DNM3: variants seen among roughly 807,000 people sequenced by gnomAD.
DNM3 encodes dynamin 3.
In DNM3, 47 loss-of-function variants were observed where a neutral mutation model predicts 101.6. The observed-to-expected ratio is 0.46, with a 90% CI of 0.37 to 0.59. The LOEUF is 0.59. DNM3 is among the 20% of genes least tolerant of loss of function. DNM3 has a pLI of 0.00. For missense variants in DNM3, 849 were observed against 1,085.7 expected, an observed-to-expected ratio of 0.78 and a Z score of 3.06; for synonymous variants, 385 against 387.9, an observed-to-expected ratio of 0.99 and a Z score of 0.09.
intron 13 of DNM3, among the ~76,000 whole-genome samples, chr1:172,103,492 T>C (rs1292573059): frequency 6.6e-6 from 1 of 152,210 alleles, no homozygotes; most frequent in Non-Finnish European, 1.5e-5. Flanking sequence ...TATAGTGTTC[T>C]ACAGTATGGA....
intron 1 of DNM3, among the ~76,000 whole-genome samples, chr1:171,862,646 T>C (rs2034297379): frequency 6.6e-6 from 1 of 152,070 alleles, no homozygotes; most frequent in Admixed American, 6.6e-5. Flanking sequence ...TATTCTGGAA[T>C]TAAATAGAGA....
chr1:172,021,337 G>T (rs1207168672), intron 4 of DNM3, among the ~76,000 whole-genome samples: 1 of 151,834 alleles, frequency 6.6e-6, no homozygotes, highest in Non-Finnish European at 1.5e-5. Flanking sequence ...CCCAAGTATG[G>T]TGGTGCATGT....
At chr1:171,972,181 G>A (rs1474592547) in intron 2 of DNM3, among the ~76,000 whole-genome samples, 2 of 152,186 alleles carry the variant, frequency 1.3e-5, no homozygotes, top group Admixed American at 6.5e-5. Flanking sequence ...TTGTAGCACT[G>A]GAGATAAAAC....
At chr1:171,993,457 C>G (rs1199703106) in intron 4 of DNM3, among the ~76,000 whole-genome samples, 1 of 147,208 alleles carries the variant, frequency 6.8e-6, no homozygotes, top group African/African-American at 2.5e-5. Flanking sequence ...ATTGAGGATC[C>G]TTTGAACATG....
chr1:172,080,261 G>A (rs1407722395), intron 11 of DNM3, among the ~76,000 whole-genome samples: 1 of 152,166 alleles, frequency 6.6e-6, no homozygotes. Context: ...CCAGGAAGAT[G>A]GGAGTTTTAT....
intron 17 of DNM3, among the ~76,000 whole-genome samples, chr1:172,325,537 A>G (rs1477936148): frequency 6.6e-6 from 1 of 151,932 alleles, no homozygotes; most frequent in Non-Finnish European, 1.5e-5. Flanking sequence ...GCATAAAAAA[A>G]AAGCCTCCTC....
intron 13 of DNM3, among the ~76,000 whole-genome samples, chr1:172,107,815 T>G (rs956464076): frequency 6.6e-6 from 1 of 152,204 alleles, no homozygotes; most frequent in Non-Finnish European, 1.5e-5. Context: ...CAAGGCAAAT[T>G]TCAGTTTCTG....
At chr1:172,146,741 G>A (rs933917174) in intron 14 of DNM3, among the ~76,000 whole-genome samples, 6 of 152,140 alleles carry the variant, frequency 3.9e-5, no homozygotes, top group South Asian at 2.1e-4. Context: ...TATTCCAGGT[G>A]TAGACCTGCT....
chr1:171,906,868 T>C (rs546421437), intron 1 of DNM3, among the ~76,000 whole-genome samples: 1 of 152,354 alleles, frequency 6.6e-6, no homozygotes, highest in East Asian at 1.9e-4. Flanking sequence ...ATTTTATAGA[T>C]GTGGATCATG....
chr1:172,090,033 C>T lies in DNM3; in HGVS notation c.1494-2791C>T, dbSNP rs540017205. Among the ~76,000 whole-genome samples, 8 of 152,246 alleles carry T rather than the reference C, an allele frequency of 5.3e-5. No homozygotes were observed. The East Asian group carries it at 1.5e-3, about 29-fold the overall frequency. ...GCAAAGGAGTCATTAACGATCTTTG[C>T]GGCTTTTGCTTTACATTCAACTTCT... On this transcript the variant is annotated intron_variant, in intron 12 of 20. Transcript: ENST00000627582.
At chr1:172,050,175 C>G (rs74909061) in intron 10 of DNM3, among the ~76,000 whole-genome samples, 5,576 of 152,282 alleles carry the variant, frequency 0.037, 137 homozygotes, top group Non-Finnish European at 0.049. Context: ...CTCCTCATCC[C>G]TGCTGCCCTC....
At chr1:172,359,561 G>C (rs1381014120) in intron 17 of DNM3, among the ~76,000 whole-genome samples, 2 of 150,072 alleles carry the variant, frequency 1.3e-5, no homozygotes, top group Non-Finnish European at 3.0e-5. Context: ...TTCTCATGTT[G>C]TTTTAAAAGC....
chr1:172,231,206 A>AG (rs2061323852), intron 14 of DNM3, among the ~76,000 whole-genome samples: 1 of 148,652 alleles, frequency 6.7e-6, no homozygotes, highest in Non-Finnish European at 1.5e-5. Flanking sequence ...ACTGGGAGGC[A>AG]CCCCCAGTAG....
At chr1:171,927,316 G>A (rs2125346718) in intron 2 of DNM3, among the ~76,000 whole-genome samples, 1 of 152,280 alleles carries the variant, frequency 6.6e-6, no homozygotes, top group East Asian at 1.9e-4. Context: ...GGGGGTTTGT[G>A]GTACAGATTA....
intron 2 of DNM3, among the ~76,000 whole-genome samples, chr1:171,945,464 T>C (rs12059302): frequency 0.012 from 1,760 of 152,254 alleles, 38 homozygotes; most frequent in African/African-American, 0.04. Flanking sequence ...AATTCACACT[T>C]TGTTATTGAA....
chr1:171,963,360 C>T (rs2043342307), intron 2 of DNM3, among the ~76,000 whole-genome samples: 1 of 151,954 alleles, frequency 6.6e-6, no homozygotes, highest in African/African-American at 2.4e-5. Context: ...TCAGTGGTTG[C>T]CTGGGGTTAG....
intron 17 of DNM3, among the ~76,000 whole-genome samples, chr1:172,329,221 A>G (rs1417417003): frequency 6.6e-6 from 1 of 152,172 alleles, no homozygotes; most frequent in East Asian, 1.9e-4. Context: ...TATAAAAAAT[A>G]AGTGAGATTC....
chr1:171,993,291 AG>A (rs1300034057), intron 4 of DNM3, among the ~76,000 whole-genome samples: 1 of 151,974 alleles, frequency 6.6e-6, no homozygotes, highest in Non-Finnish European at 1.5e-5. Flanking sequence ...TCTGTCAGTA[AG>A]GGATTCTCTT....
At chr1:171,985,237 A>G (rs540699306) in intron 2 of DNM3, among the ~76,000 whole-genome samples, 1 of 152,318 alleles carries the variant, frequency 6.6e-6, no homozygotes, top group Non-Finnish European at 1.5e-5. Flanking sequence ...TGAAAAAAAC[A>G]CAGTTCCATT....
Sources: allele counts gnomAD v4.1 joint callset (sites outside exome capture counted in the v4.1 genomes callset), GRCh38; gene constraint gnomAD v4.1.1; transcripts MANE v1.5; gene names NCBI Gene and HGNC (gene_info 2026-07-23, HGNC 2026-07-21).